Variants in ARID5B observed in about 807,000 individuals in gnomAD.
The protein encoded by ARID5B is AT-rich interactive domain-containing protein 5B.
Under a neutral mutation model 97.2 loss-of-function variants are expected in ARID5B, and 13 were observed. The ratio of observed to expected loss-of-function variants is 0.13; its 90% CI spans 0.09 to 0.21. The LOEUF (loss-of-function observed/expected upper bound fraction) is 0.21, where lower values mean the gene tolerates loss of function less well. Among genes scored for constraint, ARID5B ranks in the 10% least tolerant of loss-of-function variants. ARID5B has a pLI of 1.00. For synonymous variants in ARID5B, 556 were observed against 570.3 expected, an observed-to-expected ratio of 0.97 and a Z score of 0.36; for missense variants, 1,210 against 1,465.3, an observed-to-expected ratio of 0.83 and a Z score of 2.84.
chr10:62,092,548 C>CG lies in ARID5B; in HGVS notation c.3088dup (p.Ala1030GlyfsTer19), dbSNP rs1442866969. On this transcript the variant is annotated frameshift_variant, in exon 10 of 10. Coordinates refer to ENST00000279873, the MANE Select transcript of ARID5B (RefSeq NM_032199.3). LOFTEE classifies it high-confidence loss of function. ...CCTTGTGATTGCAGGGAAAAAGGCCCGGGCAGTGTCTCCCTTAGACCCATC... is the reference window on the plus strand; with the variant it reads ...CCTTGTGATTGCAGGGAAAAAGGCCCGGGGCAGTGTCTCCCTTAGACCCATC... 1 of 1,614,026 alleles carries CG rather than the reference C, an allele frequency of 6.2e-7. No homozygotes were observed. Among genetic ancestry groups the CG allele is most frequent in the Non-Finnish European group, 8.5e-7 (1 of 1,180,016 alleles).
At chr10:62,011,548 T>G (rs1589257301) in intron 4 of ARID5B, among the ~76,000 whole-genome samples, 3 of 151,934 alleles carry the variant, frequency 2.0e-5, no homozygotes, top group Admixed American at 2.0e-4. Context: ...GCTGAGGAGG[T>G]GGCCTCAGAG....
chr10:62,088,513 T>C lies in ARID5B; in HGVS notation c.1399-2349T>C, dbSNP rs1840322435. ...GTGGAGCCTTACTCCCTGGAGTCCA[T>C]AGAAACCCTGAAAGCTGTTAGGCTT... is the stretch of plus-strand genomic sequence containing the variant. On this transcript the variant is annotated intron_variant, in intron 9 of 9. Coordinates refer to ENST00000279873, the MANE Select transcript of ARID5B (RefSeq NM_032199.3). 2.6e-5 allele frequency among the ~76,000 whole-genome samples: 4 copies of C among 152,202 alleles called. No individual in the cohort carries two copies. The South Asian group carries it at 8.3e-4, about 31-fold the overall frequency.
At chr10:61,903,333 C>T (rs1439302506) in intron 2 of ARID5B, among the ~76,000 whole-genome samples, 2 of 152,120 alleles carry the variant, frequency 1.3e-5, no homozygotes, top group African/African-American at 4.8e-5. Flanking sequence ...GCCGCGCTCC[C>T]GGGAGGACGC....
intron 8 of ARID5B, among the ~76,000 whole-genome samples, chr10:62,078,912 A>G (rs1039765166): frequency 1.3e-5 from 2 of 152,246 alleles, no homozygotes; most frequent in African/African-American, 4.8e-5. Context: ...TAAGTTGGGC[A>G]TGATCCAACT....
At position 62,030,539 on chromosome 10, in the gene ARID5B, C is replaced by T. The variant is rs144923496; in HGVS notation, c.734-20349C>T. Among the ~76,000 whole-genome samples, 39 of 152,314 alleles carry T rather than the reference C, an allele frequency of 2.6e-4. 2 individuals are homozygous for T. The East Asian group carries it at 7.5e-3, about 29-fold the overall frequency. On this transcript the variant is annotated intron_variant, in intron 4 of 9. Coordinates refer to ENST00000279873, the MANE Select transcript of ARID5B (RefSeq NM_032199.3). Reference sequence around the variant, plus strand: ...GAGGATTTGTCATAAGACAGGGCTGCTTACATGGATGAGTGGGGGGCTGAA... The same window carrying T: ...GAGGATTTGTCATAAGACAGGGCTGTTTACATGGATGAGTGGGGGGCTGAA...
At chr10:61,997,718 A>G (rs914764513) in intron 3 of ARID5B, among the ~76,000 whole-genome samples, 2 of 152,234 alleles carry the variant, frequency 1.3e-5, no homozygotes, top group African/African-American at 4.8e-5. Context: ...CTCTCTCATT[A>G]ACAATGTCTT....
chr10:61,996,645 C>T (rs973804872), intron 3 of ARID5B, among the ~76,000 whole-genome samples: 2 of 151,956 alleles, frequency 1.3e-5, no homozygotes, highest in Non-Finnish European at 2.9e-5. Flanking sequence ...TATAAAAAAC[C>T]TTTGTGAATT....
chr10:61,916,228 A>G (rs1554837172), intron 2 of ARID5B, among the ~76,000 whole-genome samples: 1 of 151,498 alleles, frequency 6.6e-6, no homozygotes, highest in Non-Finnish European at 1.5e-5. Flanking sequence ...TAATTTTTAT[A>G]TTTTTTTTAG....
intron 4 of ARID5B, among the ~76,000 whole-genome samples, chr10:62,040,634 T>C (rs7091161): frequency 0.011 from 1,751 of 152,276 alleles, 38 homozygotes; most frequent in African/African-American, 0.04. Context: ...TTTTAAAAGG[T>C]AAAAAGAAAC....
chr10:61,902,513 G>A, intron 2 of ARID5B, 100 bp downstream of exon 2: 1 of 1,485,664 alleles, frequency 6.7e-7, no homozygotes, highest in Admixed American at 2.2e-5. Context: ...CACTTCTGCA[G>A]GCAAGCAGGA....
intron 4 of ARID5B, among the ~76,000 whole-genome samples, chr10:62,032,630 G>A (rs990125351): frequency 9.2e-5 from 14 of 152,098 alleles, no homozygotes; most frequent in Non-Finnish European, 1.3e-4. Context: ...CAGGAGAATC[G>A]CTTGAACCCA....
At chr10:62,016,506 G>A (rs1310627305) in intron 4 of ARID5B, among the ~76,000 whole-genome samples, 2 of 152,172 alleles carry the variant, frequency 1.3e-5, no homozygotes, top group African/African-American at 4.8e-5. Context: ...TCTTACAATT[G>A]AAATTTAATA....
At chr10:62,069,664 G>A in intron 7 of ARID5B, 36 bp from the exon 8 acceptor site, 2 of 1,560,464 alleles carry the variant, frequency 1.3e-6, no homozygotes, top group Non-Finnish European at 1.8e-6. Context: ...AATCTCTTAT[G>A]ATGTAAGATT....
intron 4 of ARID5B, among the ~76,000 whole-genome samples, chr10:62,040,608 T>C (rs184204020): frequency 1.4e-4 from 21 of 152,308 alleles, no homozygotes; most frequent in Middle Eastern, 3.4e-3. Context: ...TAATTTAAAA[T>C]ATTCTAGTAA....
chr10:62,052,785 G>A (rs1446739648), intron 5 of ARID5B, among the ~76,000 whole-genome samples: 2 of 151,784 alleles, frequency 1.3e-5, no homozygotes, highest in South Asian at 2.1e-4. Flanking sequence ...CTCCATCCCC[G>A]CAACAGTGCT....
chr10:62,006,259 T>G (rs1839144933), intron 4 of ARID5B, among the ~76,000 whole-genome samples: 1 of 152,112 alleles, frequency 6.6e-6, no homozygotes, highest in Non-Finnish European at 1.5e-5. Flanking sequence ...CTGGCCAATG[T>G]GGTGAAACCT....
At chr10:61,943,387 A>G (rs1844446229) in intron 3 of ARID5B, among the ~76,000 whole-genome samples, 1 of 152,046 alleles carries the variant, frequency 6.6e-6, no homozygotes, top group African/African-American at 2.4e-5. Flanking sequence ...TCACACACTT[A>G]TTAGGTTTTT....
At chr10:62,044,928 CT>C (rs915124408) in intron 4 of ARID5B, among the ~76,000 whole-genome samples, 7 of 152,134 alleles carry the variant, frequency 4.6e-5, no homozygotes, top group African/African-American at 1.7e-4. Flanking sequence ...TGAAAATAAA[CT>C]TGAATATTTC....
At chr10:61,957,950 G>A (rs1036955216) in intron 3 of ARID5B, among the ~76,000 whole-genome samples, 3 of 152,156 alleles carry the variant, frequency 2.0e-5, no homozygotes, top group Non-Finnish European at 2.9e-5. Context: ...ATATGAAGAC[G>A]AAAGGGACCC....
Sources: allele counts gnomAD v4.1 joint callset (sites outside exome capture counted in the v4.1 genomes callset), GRCh38; gene constraint gnomAD v4.1.1; transcripts MANE v1.5; gene names NCBI Gene and HGNC (gene_info 2026-07-23, HGNC 2026-07-21).